The following ERC2 variants were observed in gnomAD, a reference collection of about 807,000 sequenced individuals.
ERC2 encodes ELKS/RAB6-interacting/CAST family member 2, also known as ERC protein 2.
A neutral mutation model predicts 114.8 loss-of-function variants in ERC2; 42 were observed. The observed-to-expected ratio is 0.37, with a 90% confidence interval of 0.29 to 0.47. ERC2 has a LOEUF of 0.47. ERC2 is among the 20% of genes least tolerant of loss of function. The pLI is 0.99. For missense variants in ERC2, 939 were observed against 1,150.7 expected (o/e 0.82, Z 2.66); for synonymous variants, 454 against 425.5 (o/e 1.07, Z -0.82).
In ERC2 at chr3:55,629,353, A is replaced by G. The variant is rs368608213; in HGVS notation, c.*39+54441T>C. 1.3e-4 allele frequency among the ~76,000 whole-genome samples: 20 copies of G among 152,338 alleles called. No individual in the cohort carries two copies. The South Asian group carries it at 4.1e-3, about 32-fold the overall frequency. On this transcript the variant is annotated intron_variant, in intron 17 of 17. Transcript: ENST00000288221. ...GATGCCTGGGGTTGGGAGGAAGCCA[A>G]AAGGCTTATCCCAAAAGGACTCTCA...
At chr3:55,910,191 A>T (rs2064715890) in intron 13 of ERC2, among the ~76,000 whole-genome samples, 1 of 152,108 alleles carries the variant, frequency 6.6e-6, no homozygotes, top group African/African-American at 2.4e-5. Flanking sequence ...AGAGTTGGAG[A>T]CCAGCCTGGC....
In ERC2 at chr3:55,583,525, CT is replaced by C. The variant is rs1423919799; in HGVS notation, c.*40-72250del. ...CCTCCCTCCCTCCCTCCCTCCCTCC[CT>C]TCCTTCCTTCCTTCCTTTCTTCCTT... On this transcript the variant is annotated intron_variant, in intron 17 of 17. Coordinates refer to ENST00000288221, the MANE Select transcript of ERC2 (RefSeq NM_015576.3). Among the ~76,000 whole-genome samples, 47 of 51,334 alleles carry C rather than the reference CT, an allele frequency of 9.2e-4. 2 individuals carry two copies. Among genetic ancestry groups the C allele is most frequent in the East Asian group, 2.7e-3 (6 of 2,214 alleles). The allele number at this position is 51,334 out of a possible 152,430, so 33.7% of individuals were successfully genotyped here. A position where few individuals can be genotyped will look rare whatever the true frequency, so the allele number is the denominator to read the frequency against.
chr3:55,635,285 A>G (rs150059677), intron 17 of ERC2, among the ~76,000 whole-genome samples: 1 of 152,056 alleles, frequency 6.6e-6, no homozygotes, highest in African/African-American at 2.4e-5. Flanking sequence ...ATCCTCCAAG[A>G]TCTCTGTCAG....
chr3:55,745,275 C>T (rs2066235285), intron 14 of ERC2, among the ~76,000 whole-genome samples: 1 of 152,100 alleles, frequency 6.6e-6, no homozygotes, highest in African/African-American at 2.4e-5. Context: ...ATAGGAAAGG[C>T]CACGTGGGAA....
At chr3:55,815,552 C>T (rs78106034) in intron 14 of ERC2, among the ~76,000 whole-genome samples, 1 of 152,170 alleles carries the variant, frequency 6.6e-6, no homozygotes, top group Non-Finnish European at 1.5e-5. Context: ...GGAAGGGGAG[C>T]CTGAGTCCTG....
chr3:56,080,164 C>T (rs1420830636), intron 7 of ERC2, among the ~76,000 whole-genome samples: 2 of 152,052 alleles, frequency 1.3e-5, no homozygotes, highest in Non-Finnish European at 2.9e-5. Flanking sequence ...CTCAATGGCC[C>T]CACTAAAACT....
At chr3:56,222,961 G>C (rs530333487) in intron 3 of ERC2, among the ~76,000 whole-genome samples, 43 of 152,334 alleles carry the variant, frequency 2.8e-4, no homozygotes, top group African/African-American at 9.9e-4. Flanking sequence ...TTCGTATTGA[G>C]ACCATCATAC....
chr3:55,989,321 G>A (rs1559981744), intron 11 of ERC2, among the ~76,000 whole-genome samples: 1 of 152,360 alleles, frequency 6.6e-6, no homozygotes, highest in East Asian at 1.9e-4. Flanking sequence ...AGGCAATAGT[G>A]TCCAGCTAAG....
chr3:55,723,667 T>C (rs1327970474), intron 15 of ERC2, among the ~76,000 whole-genome samples: 1 of 152,098 alleles, frequency 6.6e-6, no homozygotes, highest in Non-Finnish European at 1.5e-5. Flanking sequence ...GAGGAGAGGG[T>C]GAAAAATCCT....
In ERC2 at chr3:55,717,375, A is replaced by C. The variant is rs373025910; in HGVS notation, c.2712+17396T>G. Among the ~76,000 whole-genome samples the C allele has an allele frequency of 2.3e-3, 347 of 152,288 alleles. 2 individuals are homozygous for C. The highest frequency in any genetic ancestry group is 7.6e-3 in the African/African-American group (317 of 41,552). On this transcript the variant is annotated intron_variant, in intron 15 of 17. Coordinates refer to ENST00000288221, the MANE Select transcript of ERC2 (RefSeq NM_015576.3). ...AATTACTGCATGCTAGAAAAGGTCC[A>C]ATGCTGTTCACTATCTCTTCTTAGC... is the stretch of plus-strand genomic sequence containing the variant.
intron 8 of ERC2, among the ~76,000 whole-genome samples, chr3:56,011,645 G>A (rs1019217019): frequency 5.3e-5 from 8 of 150,552 alleles, no homozygotes; most frequent in African/African-American, 7.3e-5. Context: ...ACATGCACAC[G>A]AAAATTCCAT....
chr3:55,662,283 A>G (rs1227826564), intron 17 of ERC2, among the ~76,000 whole-genome samples: 1 of 152,284 alleles, frequency 6.6e-6, no homozygotes, highest in African/African-American at 2.4e-5. Context: ...TATTTACTGC[A>G]GTCTTGTTTG....
At chr3:56,039,249 C>T (rs571461564) in intron 7 of ERC2, among the ~76,000 whole-genome samples, 99 of 152,024 alleles carry the variant, frequency 6.5e-4, no homozygotes, top group African/African-American at 2.3e-3. Context: ...AAAGGAAAAC[C>T]CTAAAGACTC....
intron 2 of ERC2, among the ~76,000 whole-genome samples, chr3:56,390,978 G>A (rs2060107227): frequency 6.6e-6 from 1 of 152,202 alleles, no homozygotes; most frequent in Admixed American, 6.5e-5. Context: ...ATTTCTAAAT[G>A]TGACTCATAC....
chr3:56,240,574 C>T (rs2051259766), intron 3 of ERC2, among the ~76,000 whole-genome samples: 1 of 151,626 alleles, frequency 6.6e-6, no homozygotes, highest in Non-Finnish European at 1.5e-5. Context: ...TTTAAGACAC[C>T]AACAATTATA....
chr3:56,443,892 C>T (rs1003296874), intron 1 of ERC2, among the ~76,000 whole-genome samples: 4 of 150,180 alleles, frequency 2.7e-5, no homozygotes, highest in African/African-American at 9.8e-5. Flanking sequence ...GTTTTAAATA[C>T]TTATTATGAA....
At chr3:55,697,870 C>T (rs781438885) in intron 16 of ERC2, among the ~76,000 whole-genome samples, 6 of 151,722 alleles carry the variant, frequency 4.0e-5, no homozygotes, top group Non-Finnish European at 5.9e-5. Flanking sequence ...CTCATACTCA[C>T]CCTATCTGGG....
At chr3:55,871,945 G>GA (rs1241885700) in intron 14 of ERC2, among the ~76,000 whole-genome samples, 3 of 152,118 alleles carry the variant, frequency 2.0e-5, no homozygotes, top group African/African-American at 4.8e-5. Flanking sequence ...ATGTTTATCT[G>GA]AAAAAATAAT....
chr3:55,894,767 T>C (rs139261372), intron 13 of ERC2, among the ~76,000 whole-genome samples: 1 of 152,302 alleles, frequency 6.6e-6, no homozygotes, highest in East Asian at 1.9e-4. Context: ...GTACCTCTTG[T>C]GAAGTGGAGC....
Sources: allele counts gnomAD v4.1 joint callset (sites outside exome capture counted in the v4.1 genomes callset), GRCh38; gene constraint gnomAD v4.1.1; transcripts MANE v1.5; gene names NCBI Gene and HGNC (gene_info 2026-07-23, HGNC 2026-07-21).